MAPK10: variants seen among roughly 807,000 people sequenced by gnomAD.
MAPK10 encodes the protein mitogen-activated protein kinase 10, also known as JNK3 alpha protein kinase.
A neutral mutation model predicts 59.3 loss-of-function variants in MAPK10; 25 were observed. The ratio of observed to expected loss-of-function variants is 0.42; its 90% CI spans 0.31 to 0.59. The LOEUF is 0.59. MAPK10 is among the 20% of genes least tolerant of loss of function. The probability of loss-of-function intolerance (pLI) is 0.15; values close to 1 mark genes in which losing one functional copy is unlikely to be tolerated. For synonymous variants in MAPK10, 190 were observed against 200.5 expected (o/e 0.95, Z 0.44); for missense variants, 351 against 568.9 (o/e 0.62, Z 3.90).
chr4:86,070,183 T>A (rs149602183), intron 9 of MAPK10, among the ~76,000 whole-genome samples: 1 of 152,170 alleles, frequency 6.6e-6, no homozygotes, highest in Non-Finnish European at 1.5e-5. Flanking sequence ...ACAGTGATCT[T>A]TAAAAGTCTG....
At chr4:86,060,999 A>T (rs1304590493) in intron 11 of MAPK10, among the ~76,000 whole-genome samples, 1 of 152,180 alleles carries the variant, frequency 6.6e-6, no homozygotes, top group Non-Finnish European at 1.5e-5. Flanking sequence ...TATAAGTATT[A>T]TAAGGGTAAG....
At chr4:86,293,508 G>C (rs1195699600) in intron 2 of MAPK10, among the ~76,000 whole-genome samples, 2 of 152,144 alleles carry the variant, frequency 1.3e-5, no homozygotes, top group Non-Finnish European at 2.9e-5. Context: ...CTCTGCACTA[G>C]GAAGGCTGCT....
chr4:86,495,712 CT>C (rs1190609958), intron 1 of MAPK10, among the ~76,000 whole-genome samples: 1 of 151,998 alleles, frequency 6.6e-6, no homozygotes, highest in Non-Finnish European at 1.5e-5. Context: ...TTTCCTCTCC[CT>C]TTTTCCCCCT....
At chr4:86,083,405 G>A (rs1210068438) in intron 9 of MAPK10, among the ~76,000 whole-genome samples, 3 of 152,140 alleles carry the variant, frequency 2.0e-5, no homozygotes, top group African/African-American at 7.2e-5. Context: ...CATTTGTGAG[G>A]AAATGAACTC....
intron 2 of MAPK10, among the ~76,000 whole-genome samples, chr4:86,225,322 A>G (rs995113880): frequency 1.3e-5 from 2 of 152,148 alleles, no homozygotes; most frequent in Non-Finnish European, 2.9e-5. Context: ...CATCCCAGAC[A>G]CAGGGTGCCT....
intron 9 of MAPK10, among the ~76,000 whole-genome samples, chr4:86,070,764 G>A (rs1196644612): frequency 6.6e-6 from 1 of 150,882 alleles, no homozygotes; most frequent in Non-Finnish European, 1.5e-5. Flanking sequence ...GTGTATATGT[G>A]CCACATTTTC....
At chr4:86,110,319 G>T (rs11733961) in intron 4 of MAPK10, among the ~76,000 whole-genome samples, 70,396 of 151,986 alleles carry the variant, frequency 0.46, 19,338 homozygotes, top group East Asian at 0.68. Flanking sequence ...GTCCTGAATA[G>T]TATTGCCTAG....
At chr4:86,385,492 A>G (rs1741340454) in intron 1 of MAPK10, among the ~76,000 whole-genome samples, 1 of 152,190 alleles carries the variant, frequency 6.6e-6, no homozygotes, top group African/African-American at 2.4e-5. Flanking sequence ...TTTCTTATAC[A>G]TATTTCTTTT....
chr4:86,387,111 T>C (rs990257729), intron 1 of MAPK10, among the ~76,000 whole-genome samples: 8 of 152,212 alleles, frequency 5.3e-5, no homozygotes, highest in African/African-American at 1.9e-4. Context: ...CTAATCTGGC[T>C]TGAAAATGGC....
chr4:86,075,222 C>T (rs1173304942), intron 9 of MAPK10, among the ~76,000 whole-genome samples: 5 of 152,168 alleles, frequency 3.3e-5, no homozygotes, highest in African/African-American at 7.2e-5. Flanking sequence ...ACATAGTTCT[C>T]GAGCCTTGGT....
intron 4 of MAPK10, among the ~76,000 whole-genome samples, chr4:86,142,735 G>A (rs1156254031): frequency 1.3e-5 from 2 of 152,172 alleles, no homozygotes; most frequent in African/African-American, 2.4e-5. Context: ...AGAGGGACTG[G>A]ATATCAGTTA....
chr4:86,098,086 T>C (rs569920131), intron 9 of MAPK10, among the ~76,000 whole-genome samples: 1 of 152,276 alleles, frequency 6.6e-6, no homozygotes, highest in African/African-American at 2.4e-5. Flanking sequence ...AACAAAGCCA[T>C]AGACAGAAGC....
intron 1 of MAPK10, among the ~76,000 whole-genome samples, chr4:86,375,467 TC>T (rs138985719): frequency 0.018 from 2,723 of 152,136 alleles, 38 homozygotes; most frequent in Non-Finnish European, 0.027. Context: ...ACACCTGTAA[TC>T]CCAGCACTTT....
chr4:86,501,134 A>C lies in MAPK10; in HGVS notation c.-263+92776T>G, dbSNP rs966147618. Among the ~76,000 whole-genome samples, 81 of 150,806 alleles carry C rather than the reference A, an allele frequency of 5.4e-4. No homozygotes were observed. The East Asian group carries it at 7.2e-3, about 13-fold the overall frequency. On this transcript the variant is annotated intron_variant, in intron 1 of 4. Coordinates refer to the MAPK10 transcript ENST00000502302. ...GATCTGAAAAAAAAAAAAAAAAAAA[A>C]AAAAAACTTTTAATTGATTCTTTTT...
At chr4:86,041,413 T>C (rs1004732766) in intron 11 of MAPK10, among the ~76,000 whole-genome samples, 4 of 152,120 alleles carry the variant, frequency 2.6e-5, no homozygotes, top group Admixed American at 1.3e-4. Context: ...ATTCAGGACA[T>C]AGGCATGGGC....
At chr4:86,274,251 T>C (rs1486896927) in intron 2 of MAPK10, among the ~76,000 whole-genome samples, 1 of 152,056 alleles carries the variant, frequency 6.6e-6, no homozygotes, top group Non-Finnish European at 1.5e-5. Flanking sequence ...TGGATTTTGA[T>C]ACAACATTAT....
chr4:86,025,643 A>T (rs1162387526), intron 13 of MAPK10: 1 of 394,654 alleles, frequency 2.5e-6, no homozygotes, highest in Non-Finnish European at 4.5e-6. Flanking sequence ...AAAGCATTAC[A>T]AATTTTTGTC....
intron 4 of MAPK10, among the ~76,000 whole-genome samples, chr4:86,136,699 G>A (rs2062215965): frequency 6.6e-6 from 1 of 150,772 alleles, no homozygotes; most frequent in Non-Finnish European, 1.5e-5. Flanking sequence ...AACTTTAAAT[G>A]TAAATGGACT....
intron 11 of MAPK10, among the ~76,000 whole-genome samples, chr4:86,039,404 G>T (rs1333706583): frequency 6.6e-6 from 1 of 152,112 alleles, no homozygotes; most frequent in Non-Finnish European, 1.5e-5. Flanking sequence ...CTTTGCCTTA[G>T]ACCCCAACAC....
Sources: gnomAD v4.1 joint callset for allele counts (sites outside exome capture counted in the v4.1 genomes callset) on GRCh38, gnomAD v4.1.1 for gene constraint, MANE v1.5 for transcripts, NCBI Gene and HGNC (gene_info 2026-07-23, HGNC 2026-07-21) for gene names.